Variants in PKHD1L1 observed in about 807,000 individuals in gnomAD.
The protein encoded by PKHD1L1 is fibrocystin-L.
In PKHD1L1, 434 loss-of-function variants were observed where a neutral mutation model predicts 462.9. The ratio of observed to expected loss-of-function variants is 0.94; its 90% confidence interval spans 0.87 to 1.02. PKHD1L1 has a LOEUF of 1.02. Among genes scored for constraint, PKHD1L1 ranks in the 50% least tolerant of loss-of-function variants. The probability of loss-of-function intolerance (pLI) is 0.00; values close to 1 mark genes in which losing one functional copy is unlikely to be tolerated. For missense variants in PKHD1L1, 5,202 were observed against 5,096.1 expected (o/e 1.02, Z -0.63); for synonymous variants, 1,781 against 1,750.0 (o/e 1.02, Z -0.44).
intron 71 of PKHD1L1, among the ~76,000 whole-genome samples, chr8:109,512,038 G>A (rs1329614183): frequency 6.6e-6 from 1 of 151,908 alleles, no homozygotes; most frequent in Non-Finnish European, 1.5e-5. Flanking sequence ...TTTTTGATGG[G>A]GTTGTTTGTT....
At position 109,419,717 on chromosome 8, in the gene PKHD1L1, TTG is replaced by T. The variant is rs199974520; in HGVS notation, c.2524+461_2524+462del. On this transcript the variant is annotated intron_variant, in intron 22 of 77. Coordinates refer to ENST00000378402, the MANE Select transcript of PKHD1L1 (RefSeq NM_177531.6). Reference sequence around the variant, plus strand: ...AACCTTCATTTCAATAGTGTTAGCATTGTGTTTCTAGTCATGTTAATAGACAT... The same window carrying T: ...AACCTTCATTTCAATAGTGTTAGCATTGTTTCTAGTCATGTTAATAGACAT... Among the ~76,000 whole-genome samples the T allele has an allele frequency of 6.4e-3, 982 of 152,316 alleles. 7 individuals are homozygous for T. Among genetic ancestry groups the T allele is most frequent in the Middle Eastern group, 0.051 (15 of 294 alleles).
In PKHD1L1 at chr8:109,507,735, T is replaced by C. The variant is rs764445031; in HGVS notation, c.11067T>C (p.Asp3689=). The C allele has an allele frequency of 2.5e-6, 4 of 1,613,480 alleles. No individual in the cohort carries two copies. Among genetic ancestry groups the C allele is most frequent in the South Asian group, 1.1e-5 (1 of 91,072 alleles). ...AKRKSFLRDI[D]GSFLGNAGSV... ...GGAAATCTTTTCTTAGAGACATAGA[T>C]GGCTCCTTTCTGGGGAATGCTGGTT... The change falls in exon 69 of 78, where the codon GAT becomes GAC. Residue 3689 remains aspartate, a synonymous_variant. Transcript: ENST00000378402.
Position 109,364,546 on chromosome 8 carries a change from G to T in PKHD1L1, c.74-1G>T. 6.3e-7 allele frequency: 1 copy of T among 1,575,260 alleles called. No homozygotes were observed. The highest frequency in any genetic ancestry group is 1.7e-4 in the Middle Eastern group (1 of 5,814). ...CTCTACTGTATTTTAATATTTTTCA[G>T]ATGGCTCTCAAATAATCCCCAAAGT... On this transcript the variant is annotated splice_acceptor_variant, in intron 1 of 77. Coordinates refer to ENST00000378402, the MANE Select transcript of PKHD1L1 (RefSeq NM_177531.6). LOFTEE classifies it high-confidence loss of function.
intron 23 of PKHD1L1, among the ~76,000 whole-genome samples, chr8:109,421,990 T>C (rs948341985): frequency 2.6e-5 from 4 of 152,214 alleles, no homozygotes; most frequent in Admixed American, 6.5e-5. Flanking sequence ...GTACATGTAA[T>C]AAATAATATG....
chr8:109,434,739 G>A (rs938396848), intron 28 of PKHD1L1, among the ~76,000 whole-genome samples: 1 of 152,116 alleles, frequency 6.6e-6, no homozygotes, highest in African/African-American at 2.4e-5. Context: ...AAAGTGCCGG[G>A]ATTACAGGCG....
At chr8:109,442,851 G>A (rs574078082) in intron 35 of PKHD1L1, 95 bp from the exon 36 acceptor site, 2 of 1,162,856 alleles carry the variant, frequency 1.7e-6, no homozygotes. Flanking sequence ...TCATCTGTAT[G>A]TGCATTTAAA....
intron 24 of PKHD1L1, among the ~76,000 whole-genome samples, 189 bp from the exon 25 acceptor site, chr8:109,426,813 C>T (rs1814774066): frequency 6.6e-6 from 1 of 152,126 alleles, no homozygotes; most frequent in Non-Finnish European, 1.5e-5. Context: ...CCACCATGCC[C>T]AGCTAATTTT....
intron 43 of PKHD1L1, among the ~76,000 whole-genome samples, chr8:109,453,957 C>G (rs1816678256): frequency 6.6e-6 from 1 of 152,120 alleles, no homozygotes; most frequent in South Asian, 2.1e-4. Context: ...CTGTAAACTC[C>G]CATGGTCTTG....
chr8:109,500,673 C>CAAAAAAAAAAAAAAAAA (rs34827783), intron 67 of PKHD1L1, among the ~76,000 whole-genome samples: 1 of 47,196 alleles, frequency 2.1e-5, no homozygotes, highest in African/African-American at 8.1e-5. Flanking sequence ...AACTCTGTCT[C>CAAAAAAAAAAAAAAAAA]AAAAAAAAAA....
At chr8:109,374,775 G>T (rs1207605590) in intron 2 of PKHD1L1, among the ~76,000 whole-genome samples, 2 of 152,052 alleles carry the variant, frequency 1.3e-5, no homozygotes, top group Admixed American at 1.3e-4. Context: ...AGTTTGGCTG[G>T]ATATGAAATT....
rs202017229 is a variant in PKHD1L1 at position 109,381,354 on chromosome 8, C to G, written c.164-16C>G. ...AGAATACCATTAATAATAATTAAGT[C>G]TTCTTACTTTTCCAGGTTTTTCTCA... On this transcript the variant is annotated splice_polypyrimidine_tract_variant and intron_variant, in intron 2 of 77. Transcript: ENST00000378402. 8.0e-5 allele frequency: 124 copies of G among 1,546,690 alleles called. No individual in the cohort carries two copies. Among genetic ancestry groups the G allele is most frequent in the Non-Finnish European group, 9.6e-5 (110 of 1,141,122 alleles).
intron 23 of PKHD1L1, among the ~76,000 whole-genome samples, chr8:109,424,248 A>G (rs188081486): frequency 4.6e-5 from 7 of 152,270 alleles, no homozygotes; most frequent in African/African-American, 1.7e-4. Flanking sequence ...CTTTCATTCA[A>G]TTTTGTGAGA....
rs372467819 is a variant in PKHD1L1 at position 109,441,339 on chromosome 8, T to C, written c.4164T>C (p.Thr1388=). 4.5e-5 allele frequency: 71 copies of C among 1,587,374 alleles called. No individual in the cohort carries two copies. The highest frequency in any genetic ancestry group is 4.3e-5 in the Non-Finnish European group (50 of 1,161,684). ...TCATAAAATGTATTCTTCATTCAAC[T>C]GGGAATATATTCAGGATTACCAACA... ...ENVIKCILHS[T]GNIFRITNNG... The change falls in exon 34 of 78, where the codon ACT becomes ACC. Residue 1388 remains threonine (T), a synonymous_variant. Coordinates refer to ENST00000378402, the MANE Select transcript of PKHD1L1 (RefSeq NM_177531.6).
chr8:109,461,310 A>G (rs1443604781), intron 47 of PKHD1L1, among the ~76,000 whole-genome samples: 4 of 152,196 alleles, frequency 2.6e-5, no homozygotes, highest in Non-Finnish European at 1.5e-5. Flanking sequence ...ATCTGCGTCA[A>G]TTATCACAAT....
chr8:109,427,194 T>A, intron 25 of PKHD1L1, 38 bp downstream of exon 25: 1 of 1,497,638 alleles, frequency 6.7e-7, no homozygotes, highest in Non-Finnish European at 9.3e-7. Flanking sequence ...TTCTTCTATG[T>A]GCTGTTTGCT....
rs747970706 is a variant in PKHD1L1 at position 109,425,278 on chromosome 8, TG to T, written c.2845+47del. 7.0e-5 allele frequency: 99 copies of T among 1,415,638 alleles called. No homozygotes were observed. In the Admixed American group the frequency reaches 8.6e-4, roughly 12 times the overall value. 87.7% of individuals were successfully genotyped at this position (1,415,638 alleles called of 1,614,324 possible). A position where few individuals can be genotyped will look rare whatever the true frequency, so the allele number is the denominator to read the frequency against. On this transcript the variant is annotated intron_variant, in intron 24 of 77. Transcript: ENST00000378402. ...ATATTGGTGTATACGCACACACATA[TG>T]TATAACCTTATAAAGTGTTAAATTT...
intron 67 of PKHD1L1, among the ~76,000 whole-genome samples, chr8:109,503,354 A>G (rs1337790332): frequency 6.6e-6 from 1 of 152,106 alleles, no homozygotes; most frequent in Non-Finnish European, 1.5e-5. Context: ...GGTGGTTTGC[A>G]GCCAATACTT....
At chr8:109,466,263 T>A (rs1817434300) in intron 49 of PKHD1L1, among the ~76,000 whole-genome samples, 1 of 152,198 alleles carries the variant, frequency 6.6e-6, no homozygotes, top group Non-Finnish European at 1.5e-5. Flanking sequence ...GGCTTTATGG[T>A]CATAACACCT....
intron 50 of PKHD1L1, chr8:109,470,119 T>C (rs1033007212): frequency 5.7e-5 from 29 of 512,362 alleles, no homozygotes; most frequent in Non-Finnish European, 9.8e-5. Flanking sequence ...ATATACAACA[T>C]AATAAAGTAT....
Sources: gnomAD v4.1 joint callset for allele counts (sites outside exome capture counted in the v4.1 genomes callset) on GRCh38, gnomAD v4.1.1 for gene constraint, MANE v1.5 for transcripts, NCBI Gene and HGNC (gene_info 2026-07-23, HGNC 2026-07-21) for gene names.